Variants in CCSER1 observed in about 807,000 individuals in gnomAD.
CCSER1 encodes the protein serine-rich coiled-coil domain-containing protein 1.
CCSER1 carries 41 observed loss-of-function variants against 82.0 expected under a neutral mutation model. That is an observed-to-expected ratio of 0.50 (90% confidence interval 0.39 to 0.65). The LOEUF (loss-of-function observed/expected upper bound fraction) is 0.65. CCSER1 is among the 30% of genes least tolerant of loss of function. The probability of loss-of-function intolerance (pLI) is 0.00; values close to 1 mark genes in which losing one functional copy is unlikely to be tolerated. For missense variants in CCSER1, 1,119 were observed against 1,064.2 expected (o/e 1.05, Z -0.72); for synonymous variants, 414 against 383.9 (o/e 1.08, Z -0.92).
intron 9 of CCSER1, among the ~76,000 whole-genome samples, chr4:90,997,472 C>G (rs1450722500): frequency 1.3e-5 from 2 of 152,100 alleles, no homozygotes; most frequent in African/African-American, 4.8e-5. Context: ...TATGCAGAGT[C>G]CCTTTTATAA....
At chr4:91,208,772 G>T (rs1736556288) in intron 10 of CCSER1, among the ~76,000 whole-genome samples, 3 of 151,784 alleles carry the variant, frequency 2.0e-5, no homozygotes, top group African/African-American at 7.3e-5. Context: ...AGTTTGATAG[G>T]CATAGCATTA....
At chr4:90,433,211 G>T (rs1285172608) in intron 4 of CCSER1, among the ~76,000 whole-genome samples, 3 of 152,142 alleles carry the variant, frequency 2.0e-5, no homozygotes, top group African/African-American at 4.8e-5. Context: ...CCCACATTTT[G>T]CTCTTTCCAT....
At chr4:90,604,585 C>A (rs937463437) in intron 5 of CCSER1, among the ~76,000 whole-genome samples, 1 of 152,160 alleles carries the variant, frequency 6.6e-6, no homozygotes, top group African/African-American at 2.4e-5. Flanking sequence ...ACATTGCAGG[C>A]GAGCTGCCCG....
rs1478915598 is a variant in CCSER1 at position 90,427,769 on chromosome 4, A to T, written c.1603+27640A>T. Among the ~76,000 whole-genome samples the T allele has an allele frequency of 2.6e-5, 4 of 151,872 alleles. No homozygotes were observed. The South Asian group carries it at 6.2e-4, about 24-fold the overall frequency. ...TTATTTTAATTATATTCAGTAATAT[A>T]TATTTATATGTGCTAATTTTGAACT... On this transcript the variant is annotated intron_variant, in intron 4 of 10. Transcript: ENST00000509176.
chr4:91,414,366 T>C (rs2149375747), intron 10 of CCSER1, among the ~76,000 whole-genome samples: 1 of 152,240 alleles, frequency 6.6e-6, no homozygotes, highest in South Asian at 2.1e-4. Context: ...AATAAAATTT[T>C]ATAACACTAA....
At chr4:91,337,863 G>A (rs539519607) in intron 10 of CCSER1, among the ~76,000 whole-genome samples, 1 of 152,218 alleles carries the variant, frequency 6.6e-6, no homozygotes, top group Admixed American at 6.5e-5. Flanking sequence ...ACACTTTAAA[G>A]ATCTTATCAC....
intron 1 of CCSER1, among the ~76,000 whole-genome samples, chr4:90,233,204 C>G (rs191858556): frequency 1.3e-5 from 2 of 151,996 alleles, no homozygotes; most frequent in African/African-American, 4.8e-5. Flanking sequence ...TTCACAATAG[C>G]AAAGACTTGG....
At chr4:90,673,858 G>A (rs1232104211) in intron 6 of CCSER1, among the ~76,000 whole-genome samples, 1 of 151,944 alleles carries the variant, frequency 6.6e-6, no homozygotes, top group Non-Finnish European at 1.5e-5. Flanking sequence ...CACTTGTCAG[G>A]CATAGTTCAT....
chr4:90,233,812 A>G (rs575973172), intron 1 of CCSER1, among the ~76,000 whole-genome samples: 9 of 152,014 alleles, frequency 5.9e-5, no homozygotes, highest in South Asian at 2.1e-4. Flanking sequence ...ATTTTGTTCT[A>G]TTAATATGTT....
At chr4:90,975,466 A>G (rs571774593) in intron 9 of CCSER1, among the ~76,000 whole-genome samples, 1 of 151,374 alleles carries the variant, frequency 6.6e-6, no homozygotes, top group East Asian at 1.9e-4. Context: ...CTAAATAATA[A>G]AAGAATGAAA....
At chr4:91,490,071 A>G (rs893916836) in intron 10 of CCSER1, among the ~76,000 whole-genome samples, 1 of 152,214 alleles carries the variant, frequency 6.6e-6, no homozygotes, top group Admixed American at 6.5e-5. Flanking sequence ...AATGGCTTAT[A>G]TACAAAAGAC....
At chr4:90,516,155 A>T (rs970320983) in intron 5 of CCSER1, among the ~76,000 whole-genome samples, 2 of 152,190 alleles carry the variant, frequency 1.3e-5, no homozygotes, top group Non-Finnish European at 2.9e-5. Flanking sequence ...GGTATTTAAG[A>T]CTTGAACAAT....
chr4:91,255,306 T>C (rs538446981), intron 10 of CCSER1, among the ~76,000 whole-genome samples: 1 of 152,292 alleles, frequency 6.6e-6, no homozygotes, highest in South Asian at 2.1e-4. Context: ...CTTATAACCA[T>C]AGAGTGTATT....
In CCSER1 at chr4:91,394,882, G is replaced by A. The variant is rs368764437; in HGVS notation, c.2218-203690G>A. ...TTTTTTGAAAATTAAACTCTGATGA[G>A]TGACCTACATTTTTTCACATCCTCT... On this transcript the variant is annotated intron_variant, in intron 10 of 10. Coordinates refer to ENST00000509176, the MANE Select transcript of CCSER1 (RefSeq NM_001145065.2). Among the ~76,000 whole-genome samples the A allele has an allele frequency of 2.2e-3, 339 of 151,436 alleles. 2 individuals are homozygous for A. Among genetic ancestry groups the A allele is most frequent in the African/African-American group, 7.5e-3 (310 of 41,342 alleles).
chr4:90,752,720 T>C (rs1748865139), intron 7 of CCSER1, among the ~76,000 whole-genome samples: 1 of 152,082 alleles, frequency 6.6e-6, no homozygotes, highest in Non-Finnish European at 1.5e-5. Flanking sequence ...TTTCATGCCA[T>C]CTATTGACAG....
At chr4:90,256,214 C>T (rs564538617) in intron 1 of CCSER1, among the ~76,000 whole-genome samples, 1 of 152,132 alleles carries the variant, frequency 6.6e-6, no homozygotes, top group Admixed American at 6.6e-5. Flanking sequence ...TCCATTCATG[C>T]TCAAAATCTT....
intron 6 of CCSER1, among the ~76,000 whole-genome samples, chr4:90,707,544 T>C (rs1003436526): frequency 6.7e-6 from 1 of 148,946 alleles, no homozygotes; most frequent in African/African-American, 2.4e-5. Context: ...AAAAAATATA[T>C]ATATATATAT....
At position 91,023,033 on chromosome 4, in the gene CCSER1, T is replaced by A. The variant is rs573222904; in HGVS notation, c.2173-62917T>A. Among the ~76,000 whole-genome samples, 4 of 152,276 alleles carry A rather than the reference T, an allele frequency of 2.6e-5. No homozygotes were observed. The South Asian group carries it at 8.3e-4, about 32-fold the overall frequency. On this transcript the variant is annotated intron_variant, in intron 9 of 10. Transcript: ENST00000509176. ...AGTTTAATTAGATCCCATTTGTCAA[T>A]TTTGGCTTTTGTTGCCATTGCTTTT...
Position 91,600,366 on chromosome 4 carries a change from G to T in CCSER1, c.*1309G>T, listed in dbSNP as rs1764769211. The T allele has an allele frequency of 6.6e-6, 1 of 152,036 alleles. No individual in the cohort carries two copies. The highest frequency in any genetic ancestry group is 1.5e-5 in the Non-Finnish European group (1 of 67,972). 9.4% of individuals were successfully genotyped at this position (152,036 alleles called of 1,614,324 possible). A position where few individuals can be genotyped will look rare whatever the true frequency, so the allele number is the denominator to read the frequency against. On this transcript the variant is annotated 3_prime_UTR_variant, in exon 11 of 11. Transcript: ENST00000509176. ...ATAAATAATTTTTAAAAGACTAATAGGAATCAAGGCTGCAGTTTTCTTATA... is the reference window on the plus strand; with the variant it reads ...ATAAATAATTTTTAAAAGACTAATATGAATCAAGGCTGCAGTTTTCTTATA...
Sources: gnomAD v4.1 joint callset for allele counts (sites outside exome capture counted in the v4.1 genomes callset) on GRCh38, gnomAD v4.1.1 for gene constraint, MANE v1.5 for transcripts, NCBI Gene and HGNC (gene_info 2026-07-23, HGNC 2026-07-21) for gene names.